The following CSMD3 variants were observed in gnomAD, a reference collection of about 807,000 sequenced individuals.
CSMD3 encodes the protein CUB and Sushi multiple domains 3.
A neutral mutation model predicts 435.2 loss-of-function variants in CSMD3; 177 were observed. That is an observed-to-expected ratio of 0.41 (90% CI 0.36 to 0.46). CSMD3 has a LOEUF of 0.46. Among genes scored for constraint, CSMD3 ranks in the 20% least tolerant of loss-of-function variants. The pLI is 0.34. For missense variants in CSMD3, 4,265 were observed against 4,504.6 expected, an observed-to-expected ratio of 0.95 and a Z score of 1.52; for synonymous variants, 1,656 against 1,520.5, an observed-to-expected ratio of 1.09 and a Z score of -2.07.
intron 13 of CSMD3, among the ~76,000 whole-genome samples, chr8:112,799,371 G>C (rs567160313): frequency 6.6e-6 from 1 of 151,968 alleles, no homozygotes; most frequent in East Asian, 1.9e-4. Flanking sequence ...TATTTAATTG[G>C]TAAGATAGAA....
At chr8:112,275,472 A>G (rs1262675137) in intron 59 of CSMD3, among the ~76,000 whole-genome samples, 1 of 152,106 alleles carries the variant, frequency 6.6e-6, no homozygotes, top group Non-Finnish European at 1.5e-5. Flanking sequence ...ACTTGAACCC[A>G]GGAGGCAGAG....
At chr8:113,338,740 G>C (rs1188503824) in intron 1 of CSMD3, among the ~76,000 whole-genome samples, 1 of 151,876 alleles carries the variant, frequency 6.6e-6, no homozygotes, top group Non-Finnish European at 1.5e-5. Flanking sequence ...TGGCTGGGTA[G>C]GATGGAGTGT....
At chr8:112,496,923 A>G (rs1821411119) in intron 30 of CSMD3, among the ~76,000 whole-genome samples, 1 of 152,174 alleles carries the variant, frequency 6.6e-6, no homozygotes, top group South Asian at 2.1e-4. Flanking sequence ...TAATAATTTA[A>G]TTGTACATTT....
At chr8:112,317,449 G>A (rs1440266880) in intron 47 of CSMD3, among the ~76,000 whole-genome samples, 1 of 151,942 alleles carries the variant, frequency 6.6e-6, no homozygotes, top group Non-Finnish European at 1.5e-5. Context: ...TCCTGTGTCT[G>A]CTCAACTTTT....
intron 12 of CSMD3, among the ~76,000 whole-genome samples, chr8:112,814,002 C>T (rs2079301870): frequency 6.6e-6 from 1 of 152,184 alleles, no homozygotes; most frequent in African/African-American, 2.4e-5. Flanking sequence ...GGGGAACTTC[C>T]CCCTTATCTG....
intron 1 of CSMD3, among the ~76,000 whole-genome samples, chr8:113,427,895 T>C (rs1189358577): frequency 6.6e-6 from 1 of 151,682 alleles, no homozygotes; most frequent in African/African-American, 2.4e-5. Context: ...TATCATTTTA[T>C]ATGTGAAGTT....
intron 40 of CSMD3, among the ~76,000 whole-genome samples, chr8:112,347,116 G>T (rs909888383): frequency 6.6e-6 from 1 of 152,094 alleles, no homozygotes; most frequent in Admixed American, 6.5e-5. Flanking sequence ...ACAAATTTGA[G>T]AATGTAGGGA....
At chr8:112,344,041 C>A (rs1214483971) in intron 41 of CSMD3, among the ~76,000 whole-genome samples, 3 of 152,008 alleles carry the variant, frequency 2.0e-5, no homozygotes, top group African/African-American at 7.3e-5. Context: ...TGCCACCATG[C>A]CTGGCTAATT....
chr8:112,938,354 C>A (rs577737199), intron 9 of CSMD3, among the ~76,000 whole-genome samples: 20 of 152,120 alleles, frequency 1.3e-4, no homozygotes, highest in Non-Finnish European at 2.5e-4. Flanking sequence ...CTGTATACCT[C>A]GAATTGTGAT....
chr8:113,401,215 A>C (rs2094508576), intron 1 of CSMD3, among the ~76,000 whole-genome samples: 1 of 151,770 alleles, frequency 6.6e-6, no homozygotes, highest in African/African-American at 2.4e-5. Flanking sequence ...GATCTTTTTC[A>C]ATTCTCAAAT....
intron 13 of CSMD3, among the ~76,000 whole-genome samples, chr8:112,741,086 A>T (rs969353244): frequency 1.3e-5 from 2 of 151,954 alleles, no homozygotes; most frequent in Non-Finnish European, 2.9e-5. Flanking sequence ...CTTCTCTAAC[A>T]GGACAGAAAG....
intron 3 of CSMD3, among the ~76,000 whole-genome samples, chr8:113,244,273 G>T (rs2093252534): frequency 6.6e-6 from 1 of 152,062 alleles, no homozygotes; most frequent in Non-Finnish European, 1.5e-5. Context: ...TATGAGTTTT[G>T]TAATTTTAAT....
intron 4 of CSMD3, among the ~76,000 whole-genome samples, chr8:113,168,610 G>A (rs1222151318): frequency 6.7e-6 from 1 of 149,682 alleles, no homozygotes; most frequent in East Asian, 2.0e-4. Context: ...ATAAAACTGG[G>A]CTTTGTTTTG....
chr8:113,171,206 T>C (rs1442753787), intron 4 of CSMD3, among the ~76,000 whole-genome samples: 3 of 152,100 alleles, frequency 2.0e-5, no homozygotes, highest in Non-Finnish European at 4.4e-5. Flanking sequence ...GTTTTATGAA[T>C]GCTATTACAT....
chr8:113,428,315 G>A (rs545573438), intron 1 of CSMD3, among the ~76,000 whole-genome samples: 1 of 151,056 alleles, frequency 6.6e-6, no homozygotes, highest in Admixed American at 6.6e-5. Flanking sequence ...TAAATTTTCA[G>A]GGCCTCAATG....
intron 38 of CSMD3, among the ~76,000 whole-genome samples, 173 bp downstream of exon 38, chr8:112,380,179 C>G (rs1286874836): frequency 6.6e-6 from 1 of 152,140 alleles, no homozygotes; most frequent in African/African-American, 2.4e-5. Context: ...ACCATTAAAA[C>G]TTTATTCATG....
chr8:112,721,929 G>T (rs779197095), intron 13 of CSMD3, among the ~76,000 whole-genome samples: 2 of 151,956 alleles, frequency 1.3e-5, no homozygotes, highest in African/African-American at 2.4e-5. Flanking sequence ...CAAGATGCAG[G>T]GATCTTGCAT....
rs530254724 is a variant in CSMD3 at position 112,753,164 on chromosome 8, T to C, written c.1972+46998A>G. 1.6e-4 allele frequency among the ~76,000 whole-genome samples: 25 copies of C among 152,248 alleles called. 1 individual carries two copies. In the South Asian group the frequency reaches 5.2e-3, roughly 32 times the overall value. On this transcript the variant is annotated intron_variant, in intron 13 of 70. Transcript: ENST00000297405. Reference sequence around the variant, plus strand: ...CATAATTTGCTGACATCAAAAGATATTACCTAACTTTGATAAATCAATGAT... The same window carrying C: ...CATAATTTGCTGACATCAAAAGATACTACCTAACTTTGATAAATCAATGAT...
In CSMD3 at chr8:112,408,300, G is replaced by C. The variant is rs750299293; in HGVS notation, c.5605+18C>G. Reference sequence around the variant, plus strand: ...TATATCATTCCTTAGTGTGTTTCTAGACTACAGGGTCACTTACCTTGGTAA... The same window carrying C: ...TATATCATTCCTTAGTGTGTTTCTACACTACAGGGTCACTTACCTTGGTAA... On this transcript the variant is annotated intron_variant, in intron 34 of 70. Coordinates refer to ENST00000297405, the MANE Select transcript of CSMD3 (RefSeq NM_198123.2). 7.0e-7 allele frequency: 1 copy of C among 1,430,622 alleles called. No individual in the cohort carries two copies. Among genetic ancestry groups the C allele is most frequent in the Non-Finnish European group, 9.9e-7 (1 of 1,013,014 alleles). The allele number at this position is 1,430,622 out of a possible 1,614,324, so 88.6% of individuals were successfully genotyped here. A position where few individuals can be genotyped will look rare whatever the true frequency, so the allele number is the denominator to read the frequency against.
Sources: gnomAD v4.1 joint callset for allele counts (sites outside exome capture counted in the v4.1 genomes callset) on GRCh38, gnomAD v4.1.1 for gene constraint, MANE v1.5 for transcripts, NCBI Gene and HGNC (gene_info 2026-07-23, HGNC 2026-07-21) for gene names.